PPM1D: variants seen among roughly 807,000 people sequenced by gnomAD.
PPM1D encodes protein phosphatase 1D.
Under a neutral mutation model 58.3 loss-of-function variants are expected in PPM1D, and 52 were observed. The ratio of observed to expected loss-of-function variants is 0.89; its 90% CI spans 0.71 to 1.12. PPM1D has a LOEUF of 1.12. PPM1D is among the 50% of genes most tolerant of loss of function. The pLI, the probability that PPM1D is intolerant of heterozygous loss-of-function variation, is 0.00. For synonymous variants in PPM1D, 278 were observed against 285.1 expected (o/e 0.98, Z 0.25); for missense variants, 564 against 777.2 (o/e 0.73, Z 3.26).
At chr17:60,629,609 A>G (rs2030877934) in intron 2 of PPM1D, among the ~76,000 whole-genome samples, 1 of 152,090 alleles carries the variant, frequency 6.6e-6, no homozygotes, top group Admixed American at 6.5e-5. Flanking sequence ...ATTCTTCCAT[A>G]TATTTGGGTC....
rs193248314 is a variant in PPM1D at position 60,620,180 on chromosome 17, G to A, written c.473-3341G>A. 5.2e-3 allele frequency among the ~76,000 whole-genome samples: 784 copies of A among 152,066 alleles called. 2 individuals carry two copies. Among genetic ancestry groups the A allele is most frequent in the Non-Finnish European group, 8.9e-3 (608 of 67,976 alleles). ...TGCCTGGCTAATTTCTGTATTTTTC[G>A]TAGAGACGGGGTTTCACCGTGTTAG... On this transcript the variant is annotated intron_variant, in intron 1 of 5. Transcript: ENST00000305921.
chr17:60,631,362 G>A (rs933065572), intron 2 of PPM1D, among the ~76,000 whole-genome samples: 1 of 152,024 alleles, frequency 6.6e-6, no homozygotes, highest in Non-Finnish European at 1.5e-5. Flanking sequence ...TGGTAGGCTG[G>A]GCATGGTGAC....
rs146085836 is a variant in PPM1D at position 60,626,894 on chromosome 17, A to G, written c.701+3145A>G. 3.7e-3 allele frequency among the ~76,000 whole-genome samples: 568 copies of G among 152,172 alleles called. 2 individuals are homozygous for G. Among genetic ancestry groups the G allele is most frequent in the African/African-American group, 0.013 (537 of 41,518 alleles). On this transcript the variant is annotated intron_variant, in intron 2 of 5. Coordinates refer to ENST00000305921, the MANE Select transcript of PPM1D (RefSeq NM_003620.4). Reference sequence around the variant, plus strand: ...CTTATGAGAAATATTGAATCTTTTTATATATTTAAGAGCCATTTATATTTT... The same window carrying G: ...CTTATGAGAAATATTGAATCTTTTTGTATATTTAAGAGCCATTTATATTTT...
intron 3 of PPM1D, among the ~76,000 whole-genome samples, chr17:60,646,685 A>C (rs1019651819): frequency 6.6e-6 from 1 of 152,110 alleles, no homozygotes; most frequent in African/African-American, 2.4e-5. Flanking sequence ...TTTTAGTTTT[A>C]TTGATCTTTT....
intron 3 of PPM1D, among the ~76,000 whole-genome samples, chr17:60,640,628 A>G (rs566382246): frequency 1.4e-4 from 22 of 152,228 alleles, no homozygotes; most frequent in African/African-American, 5.1e-4. Context: ...GGTACGATTG[A>G]TTCCGTCATC....
chr17:60,601,007 T>C, intron 1 of PPM1D, 121 bp downstream of exon 1: 4 of 1,412,816 alleles, frequency 2.8e-6, no homozygotes, highest in Non-Finnish European at 2.9e-6. Flanking sequence ...CTGATGGAAG[T>C]GACTAAAAGC....
At chr17:60,604,186 A>T (rs2143616131) in intron 1 of PPM1D, among the ~76,000 whole-genome samples, 1 of 152,376 alleles carries the variant, frequency 6.6e-6, no homozygotes, top group African/African-American at 2.4e-5. Flanking sequence ...AATATCAAAG[A>T]AAATCATGTT....
At chr17:60,631,436 C>T (rs1021303876) in intron 2 of PPM1D, among the ~76,000 whole-genome samples, 20 of 151,582 alleles carry the variant, frequency 1.3e-4, no homozygotes, top group Non-Finnish European at 1.0e-4. Context: ...GCCAGGAGTT[C>T]GAGACCAGCC....
intron 3 of PPM1D, among the ~76,000 whole-genome samples, chr17:60,637,730 AC>A (rs1419391339): frequency 1.3e-5 from 2 of 152,112 alleles, no homozygotes; most frequent in Non-Finnish European, 2.9e-5. Context: ...AGATACTCTC[AC>A]TGTTAAGACT....
chr17:60,605,074 G>A (rs573320812), intron 1 of PPM1D, among the ~76,000 whole-genome samples: 1 of 152,018 alleles, frequency 6.6e-6, no homozygotes, highest in Non-Finnish European at 1.5e-5. Context: ...CATCTGCCTC[G>A]GCCTCCCACA....
chr17:60,656,989 C>CTTTA (rs764630572), intron 5 of PPM1D, 148 bp downstream of exon 5: 1 of 1,560,532 alleles, frequency 6.4e-7, no homozygotes, highest in Non-Finnish European at 8.6e-7. Flanking sequence ...AGAGAGCCAT[C>CTTTA]TTTACATCAA....
intron 2 of PPM1D, among the ~76,000 whole-genome samples, chr17:60,632,990 C>CA (rs923440640): frequency 2.0e-5 from 3 of 151,142 alleles, no homozygotes; most frequent in East Asian, 3.9e-4. Context: ...TAAAAATAAA[C>CA]AAAAAAACTG....
intron 4 of PPM1D, among the ~76,000 whole-genome samples, chr17:60,648,921 AC>A (rs2031296130): frequency 6.6e-6 from 1 of 150,936 alleles, no homozygotes; most frequent in Non-Finnish European, 1.5e-5. Context: ...GTGCCACCCC[AC>A]CCAGCTAATT....
rs560806221 is a variant in PPM1D, at chr17:60,663,852, A to G, written c.*300A>G. 6 of 217,984 alleles carry G rather than the reference A, an allele frequency of 2.8e-5. No homozygotes were observed. In the South Asian group the frequency reaches 8.3e-4, roughly 30 times the overall value. The allele number at this position is 217,984 out of a possible 1,614,324, so 13.5% of individuals were successfully genotyped here. On this transcript the variant is annotated 3_prime_UTR_variant, in exon 6 of 6. Transcript: ENST00000305921. ...ACAGTAATTGTGACAATAGGGCTAA[A>G]TGTTTAAAGAAATCAAAAGAATCTA...
In PPM1D at chr17:60,663,340, AG is replaced by A. The variant is rs1434119162; in HGVS notation, c.1608del (p.Thr537HisfsTer2). On this transcript the variant is annotated frameshift_variant, in exon 6 of 6. Coordinates refer to ENST00000305921, the MANE Select transcript of PPM1D (RefSeq NM_003620.4). LOFTEE classifies it high-confidence loss of function. ...IERTPPTNFK[R>X]TLEESNSGPL... ...AAGAACCCCTCCAACAAACTTTAAA[AG>A]GACATTAGAAGAGTCCAATTCTGGC... The A allele has an allele frequency of 1.2e-6, 2 of 1,614,214 alleles. No homozygotes were observed. Among genetic ancestry groups the A allele is most frequent in the Non-Finnish European group, 8.5e-7 (1 of 1,180,030 alleles).
chr17:60,623,356 TA>T (rs1392579121), intron 1 of PPM1D, among the ~76,000 whole-genome samples, 164 bp from the exon 2 acceptor site: 2 of 152,238 alleles, frequency 1.3e-5, no homozygotes, highest in Admixed American at 1.3e-4. Context: ...ATGTATTCAT[TA>T]ATTAACCTAA....
chr17:60,659,270 CATAGAG>C (rs1018891179), intron 5 of PPM1D, among the ~76,000 whole-genome samples: 1 of 152,114 alleles, frequency 6.6e-6, no homozygotes, highest in African/African-American at 2.4e-5. Context: ...TGTTTAGTAA[CATAGAG>C]ATAAATTTAA....
At chr17:60,628,091 A>G (rs753798319) in intron 2 of PPM1D, among the ~76,000 whole-genome samples, 2 of 151,070 alleles carry the variant, frequency 1.3e-5, no homozygotes, top group Non-Finnish European at 3.0e-5. Context: ...CAGGCGATCC[A>G]CCTGCCTTGG....
At chr17:60,647,089 C>G (rs138592696) in intron 3 of PPM1D, among the ~76,000 whole-genome samples, 55 of 152,238 alleles carry the variant, frequency 3.6e-4, no homozygotes, top group Middle Eastern at 6.8e-3. Flanking sequence ...AATCTTGGCC[C>G]TTTGCGCTTA....
Sources: gnomAD v4.1 joint callset for allele counts (sites outside exome capture counted in the v4.1 genomes callset) on GRCh38, gnomAD v4.1.1 for gene constraint, MANE v1.5 for transcripts, NCBI Gene and HGNC (gene_info 2026-07-23, HGNC 2026-07-21) for gene names.